Variants in TANK observed in about 807,000 individuals in gnomAD.
The protein encoded by TANK is TRAF family member-associated NF-kappa-B activator.
In TANK, 15 loss-of-function variants were observed where a neutral mutation model predicts 43.6. That is an observed-to-expected ratio of 0.34 (90% CI 0.23 to 0.53). The LOEUF (loss-of-function observed/expected upper bound fraction) is 0.53, where lower values mean the gene tolerates loss of function less well. TANK is among the 20% of genes least tolerant of loss of function. The pLI is 0.94. For synonymous variants in TANK, 162 were observed against 178.2 expected (o/e 0.91, Z 0.73); for missense variants, 417 against 498.6 (o/e 0.84, Z 1.56).
At chr2:161,198,303 T>C (rs1558990438) in intron 2 of TANK, among the ~76,000 whole-genome samples, 1 of 152,192 alleles carries the variant, frequency 6.6e-6, no homozygotes, top group Non-Finnish European at 1.5e-5. Flanking sequence ...GTGTAGTCTT[T>C]TACTCCCATT....
rs1391528407 is a variant in TANK, at chr2:161,198,494, C to A, written c.100-4993C>A. On this transcript the variant is annotated intron_variant, in intron 2 of 7. Coordinates refer to ENST00000392749, the MANE Select transcript of TANK (RefSeq NM_001199135.3). Reference sequence around the variant, plus strand: ...GGGTCTTGGGATGGCCCTGCCTGGGCAACTCCACTAGGAATTGCCCTGATG... The same window carrying A: ...GGGTCTTGGGATGGCCCTGCCTGGGAAACTCCACTAGGAATTGCCCTGATG... 2.0e-5 allele frequency among the ~76,000 whole-genome samples: 3 copies of A among 152,236 alleles called. No individual in the cohort carries two copies. In the East Asian group the frequency reaches 5.8e-4, roughly 29 times the overall value.
At chr2:161,178,781 C>G (rs140180018) in intron 1 of TANK, among the ~76,000 whole-genome samples, 1 of 152,024 alleles carries the variant, frequency 6.6e-6, no homozygotes, top group Non-Finnish European at 1.5e-5. Context: ...TGAAATAACT[C>G]GGTACCCAAT....
intron 2 of TANK, among the ~76,000 whole-genome samples, chr2:161,186,394 A>G (rs1279925339): frequency 2.0e-5 from 3 of 151,878 alleles, no homozygotes; most frequent in East Asian, 3.9e-4. Context: ...TTTTCTTTGG[A>G]TATTTTCATG....
intron 2 of TANK, among the ~76,000 whole-genome samples, chr2:161,185,082 A>G (rs1042069421): frequency 1.9e-4 from 29 of 152,284 alleles, no homozygotes; most frequent in African/African-American, 7.0e-4. Context: ...GACGCATAGG[A>G]AGAGAACTTG....
At chr2:161,187,114 A>T (rs1054415690) in intron 2 of TANK, among the ~76,000 whole-genome samples, 8 of 152,162 alleles carry the variant, frequency 5.3e-5, no homozygotes, top group Admixed American at 5.2e-4. Context: ...TAAATCAGAG[A>T]CAACAGACTT....
intron 4 of TANK, among the ~76,000 whole-genome samples, chr2:161,206,329 G>A (rs1024421171): frequency 6.6e-6 from 1 of 151,998 alleles, no homozygotes; most frequent in African/African-American, 2.4e-5. Context: ...AATAAAATAC[G>A]AACTCCTAGC....
chr2:161,189,000 G>A (rs1018354166), intron 2 of TANK, among the ~76,000 whole-genome samples: 1 of 152,130 alleles, frequency 6.6e-6, no homozygotes, highest in Non-Finnish European at 1.5e-5. Flanking sequence ...CCAGATACTG[G>A]TGTCTTAGTT....
intron 2 of TANK, among the ~76,000 whole-genome samples, chr2:161,200,149 A>G (rs929163144): frequency 1.3e-5 from 2 of 152,220 alleles, no homozygotes; most frequent in African/African-American, 2.4e-5. Flanking sequence ...TGTCAAAAGC[A>G]TCTTCTTTTC....
Position 161,177,043 on chromosome 2 carries a change from G to A in TANK, c.-49-2571G>A, listed in dbSNP as rs922313542. 2.0e-5 allele frequency among the ~76,000 whole-genome samples: 3 copies of A among 151,678 alleles called. 1 individual carries two copies. Among genetic ancestry groups the A allele is most frequent in the South Asian group, 4.2e-4 (2 of 4,818 alleles). On this transcript the variant is annotated intron_variant, in intron 1 of 7. Transcript: ENST00000392749. The stretch of plus-strand genomic sequence containing the variant: ...TTGTAAGTAGCCTTAGTATGTTTTC[G>A]AATGAAGCAGTGTCTAAAATACTCA...
intron 4 of TANK, among the ~76,000 whole-genome samples, chr2:161,220,264 G>A (rs1206896235): frequency 6.6e-6 from 1 of 152,154 alleles, no homozygotes. Flanking sequence ...ACATATGAGA[G>A]AATATACATC....
At chr2:161,207,435 A>C (rs1021162101) in intron 4 of TANK, 12 of 981,584 alleles carry the variant, frequency 1.2e-5, no homozygotes, top group Middle Eastern at 5.3e-4. Flanking sequence ...CCATTTAATA[A>C]AAATAAAAAT....
intron 4 of TANK, among the ~76,000 whole-genome samples, chr2:161,214,020 C>T (rs1687015457): frequency 6.6e-6 from 1 of 151,544 alleles, no homozygotes; most frequent in South Asian, 2.1e-4. Flanking sequence ...AAATGTTGAC[C>T]TATTATATAA....
upstream of TANK, among the ~76,000 whole-genome samples, chr2:161,157,546 A>T (rs1474629888): frequency 6.6e-6 from 1 of 152,236 alleles, no homozygotes; most frequent in Non-Finnish European, 1.5e-5. Flanking sequence ...TTCCATTAAT[A>T]GTGATATTGC....
At chr2:161,176,472 G>A (rs1022526687) in intron 1 of TANK, among the ~76,000 whole-genome samples, 1 of 152,126 alleles carries the variant, frequency 6.6e-6, no homozygotes, top group Admixed American at 6.6e-5. Context: ...TTACTCAGTA[G>A]CTCCTCTCTC....
chr2:161,220,416 A>G (rs894203065), intron 4 of TANK, among the ~76,000 whole-genome samples: 1 of 152,186 alleles, frequency 6.6e-6, no homozygotes, highest in Non-Finnish European at 1.5e-5. Flanking sequence ...CAGCCTGACC[A>G]ACATGTTGAA....
chr2:161,229,393 T>C (rs1687794997), intron 6 of TANK, among the ~76,000 whole-genome samples: 1 of 152,166 alleles, frequency 6.6e-6, no homozygotes, highest in Non-Finnish European at 1.5e-5. Flanking sequence ...GTCAGATTAG[T>C]ATTTTAGAAA....
intron 6 of TANK, among the ~76,000 whole-genome samples, chr2:161,226,551 G>A (rs180874270): frequency 6.6e-6 from 1 of 152,162 alleles, no homozygotes; most frequent in African/African-American, 2.4e-5. Flanking sequence ...AATATGATTT[G>A]CACAATATAT....
chr2:161,160,633 G>A, intron 1 of TANK, 147 bp downstream of exon 1: 1 of 631,350 alleles, frequency 1.6e-6, no homozygotes. Flanking sequence ...CCAATTTGCA[G>A]TTTGGGGAGG....
At chr2:161,172,353 G>A (rs1177005624) in intron 1 of TANK, among the ~76,000 whole-genome samples, 29 of 128,644 alleles carry the variant, frequency 2.3e-4, no homozygotes, top group African/African-American at 9.0e-4. Flanking sequence ...AGTTTTTTTC[G>A]GCTTTTTTTT....
Sources: allele counts gnomAD v4.1 joint callset (sites outside exome capture counted in the v4.1 genomes callset), GRCh38; gene constraint gnomAD v4.1.1; transcripts MANE v1.5; gene names NCBI Gene and HGNC (gene_info 2026-07-23, HGNC 2026-07-21).